BCAP31: variants seen among roughly 807,000 people sequenced by gnomAD.
BCAP31 encodes B-cell receptor-associated protein 31.
For missense variants in BCAP31, 124 were observed against 193.0 expected (o/e 0.64, Z 2.12); for synonymous variants, 75 against 80.9 (o/e 0.93, Z 0.39).
intron 6 of BCAP31, among the ~76,000 whole-genome samples, 164 bp downstream of exon 6, chrX:153,702,771 T>C (rs1306926608): frequency 3.5e-5 from 4 of 112,775 alleles, no homozygotes; most frequent in African/African-American, 1.3e-4. Flanking sequence ...TAAGCATGGC[T>C]GCATTGGGGT....
At chrX:153,706,913 C>T (rs2091558813) in intron 4 of BCAP31, among the ~76,000 whole-genome samples, 1 of 112,241 alleles carries the variant, frequency 8.9e-6, no homozygotes, top group South Asian at 3.7e-4. Flanking sequence ...TTCCCATCCA[C>T]CTCCCAGAGC....
rs2091586655 is a variant in BCAP31, at chrX:153,710,841, A to G, written c.341+4701T>C. On this transcript the variant is annotated intron_variant, in intron 4 of 7. Transcript: ENST00000345046. The stretch of plus-strand genomic sequence containing the variant: ...CCCCTCCTTGGCCACTAACCTGCTC[A>G]CATCCTCCTTCTTGATCTTGCTTCC... Among the ~76,000 whole-genome samples the G allele has an allele frequency of 2.7e-5, 3 of 111,618 alleles. No homozygotes were observed. In the South Asian group the frequency reaches 1.1e-3, roughly 42 times the overall value.
intron 1 of BCAP31, 116 bp downstream of exon 1, chrX:153,724,218 G>A (rs1463444618): frequency 4.7e-6 from 1 of 212,369 alleles, no homozygotes; most frequent in Non-Finnish European, 8.7e-6. Flanking sequence ...TAGGCTGCGG[G>A]CCCCGAGATT....
chrX:153,716,321 T>C (rs782817625), intron 3 of BCAP31, among the ~76,000 whole-genome samples: 86 of 109,794 alleles, frequency 7.8e-4, no homozygotes, highest in African/African-American at 2.6e-3. Context: ...GGCTTCCTTT[T>C]CCCATGGTAC....
intron 4 of BCAP31, among the ~76,000 whole-genome samples, chrX:153,708,128 A>C (rs1261815531): frequency 8.9e-6 from 1 of 112,949 alleles, no homozygotes; most frequent in East Asian, 2.8e-4. Context: ...CTTGGAAGAC[A>C]CATGGCAGCC....
intron 2 of BCAP31, 174 bp from the exon 3 acceptor site, chrX:153,721,146 G>T (rs1342373997): frequency 7.0e-6 from 3 of 429,070 alleles, no homozygotes; most frequent in Non-Finnish European, 1.2e-5. Context: ...CAAGACTATT[G>T]GAAAAAAGGC....
intron 5 of BCAP31, 124 bp from the exon 6 acceptor site, chrX:153,703,182 A>C: frequency 1.0e-6 from 1 of 985,839 alleles, no homozygotes; most frequent in Non-Finnish European, 1.4e-6. Flanking sequence ...CGGAAATGTC[A>C]ACGCGGAACC....
At chrX:153,723,431 G>A in intron 1 of BCAP31, 143 bp from the exon 2 acceptor site, 3 of 1,132,389 alleles carry the variant, frequency 2.6e-6, no homozygotes, top group Non-Finnish European at 3.5e-6. Flanking sequence ...GCTGGCGGAA[G>A]CAGGGCTCCA....
intron 4 of BCAP31, among the ~76,000 whole-genome samples, chrX:153,710,623 C>T (rs781850372): frequency 8.9e-6 from 1 of 111,854 alleles, no homozygotes; most frequent in Admixed American, 9.4e-5. Context: ...CACTGCTATC[C>T]CAGGCAGCAG....
chrX:153,704,267 T>G (rs1475588682), intron 4 of BCAP31, among the ~76,000 whole-genome samples, 173 bp from the exon 5 acceptor site: 2 of 111,946 alleles, frequency 1.8e-5, no homozygotes, highest in African/African-American at 6.5e-5. Flanking sequence ...AGGGAAAAGG[T>G]GGGGCCCAGG....
chrX:153,709,295 C>T lies in BCAP31; in HGVS notation c.342-5201G>A, dbSNP rs1254854898. On this transcript the variant is annotated intron_variant, in intron 4 of 7. Transcript: ENST00000345046. ...GGCTAATGGCAGCGATGGGATTCTA[C>T]CCTGGAGGGGTAAAGAGGAAACAAA... Among the ~76,000 whole-genome samples the T allele has an allele frequency of 9.7e-4, 109 of 111,969 alleles. No individual in the cohort carries two copies. The Middle Eastern group carries it at 0.014, about 14-fold the overall frequency.
At chrX:153,721,731 T>C (rs1291391918) in intron 2 of BCAP31, among the ~76,000 whole-genome samples, 6 of 106,884 alleles carry the variant, frequency 5.6e-5, no homozygotes, top group African/African-American at 1.7e-4. Context: ...CTACTAAAAA[T>C]ATATATATAA....
At chrX:153,710,380 G>C (rs1362843713) in intron 4 of BCAP31, among the ~76,000 whole-genome samples, 5 of 111,866 alleles carry the variant, frequency 4.5e-5, no homozygotes, top group African/African-American at 1.6e-4. Flanking sequence ...CATGGGTGGA[G>C]TCCAGCTCTG....
chrX:153,706,098 A>G, intron 4 of BCAP31, among the ~76,000 whole-genome samples: 1 of 111,497 alleles, frequency 9.0e-6, no homozygotes, highest in Middle Eastern at 4.6e-3. Flanking sequence ...GCCCCAGCCC[A>G]GGCCTTCAGT....
intron 4 of BCAP31, among the ~76,000 whole-genome samples, chrX:153,710,446 G>T (rs1284177456): frequency 8.9e-6 from 1 of 111,821 alleles, no homozygotes; most frequent in Non-Finnish European, 1.9e-5. Context: ...GCCTCACCCT[G>T]CTGGGCCACA....
At chrX:153,720,350 C>T (rs1274612994) in intron 3 of BCAP31, among the ~76,000 whole-genome samples, 3 of 105,307 alleles carry the variant, frequency 2.8e-5, no homozygotes, top group Non-Finnish European at 5.9e-5. Context: ...AGCCCACGCC[C>T]ACTGCTAGAG....
In BCAP31 at chrX:153,703,078, C is replaced by A; in HGVS notation, c.478-20G>T. 8.3e-7 allele frequency: 1 copy of A among 1,207,959 alleles called. No individual in the cohort carries two copies. Reference sequence around the variant, plus strand: ...AGCTCCCTGGGAAAAGTGCCAAAGGCCAGGGTTACTCAGGAGGGAGGGAGG... The same window carrying A: ...AGCTCCCTGGGAAAAGTGCCAAAGGACAGGGTTACTCAGGAGGGAGGGAGG... On this transcript the variant is annotated intron_variant, in intron 5 of 7. Coordinates refer to ENST00000345046, the MANE Select transcript of BCAP31 (RefSeq NM_001256447.2).
intron 7 of BCAP31, among the ~76,000 whole-genome samples, chrX:153,701,246 G>A (rs1420364804): frequency 1.8e-5 from 2 of 112,388 alleles, no homozygotes; most frequent in Admixed American, 9.3e-5. Flanking sequence ...CCTGGCTGCA[G>A]GGAACAGCAA....
rs1168416003 is a variant in BCAP31 at position 153,723,284 on chromosome X, G to A, written c.-40C>T. 3.3e-6 allele frequency: 4 copies of A among 1,197,212 alleles called. No homozygotes were observed. In the South Asian group the frequency reaches 7.3e-5, roughly 22 times the overall value. On this transcript the variant is annotated 5_prime_UTR_variant, in exon 2 of 8. Coordinates refer to ENST00000345046, the MANE Select transcript of BCAP31 (RefSeq NM_001256447.2). ...GTTTCCCACAGGAAGATGTGAGCTT[G>A]TTTCCTGGCAGGGCACAAAAGGTAC...
Sources: gnomAD v4.1 joint callset for allele counts (sites outside exome capture counted in the v4.1 genomes callset) on GRCh38, gnomAD v4.1.1 for gene constraint, MANE v1.5 for transcripts, NCBI Gene and HGNC (gene_info 2026-07-23, HGNC 2026-07-21) for gene names.